ADAMTSL1: variants seen among roughly 807,000 people sequenced by gnomAD.
ADAMTSL1 encodes ADAMTS like 1.
A neutral mutation model predicts 201.8 loss-of-function variants in ADAMTSL1; 126 were observed. The ratio of observed to expected loss-of-function variants is 0.62; its 90% CI spans 0.54 to 0.72. ADAMTSL1 has a LOEUF of 0.72. Ranked by LOEUF, ADAMTSL1 falls within the 30% of genes least tolerant of loss-of-function variation. The pLI is 0.00. For synonymous variants in ADAMTSL1, 1,121 were observed against 903.4 expected (o/e 1.24, Z -4.32); for missense variants, 2,679 against 2,277.8 (o/e 1.18, Z -3.59).
At chr9:17,980,528 C>T (rs900722469) in intron 1 of ADAMTSL1, among the ~76,000 whole-genome samples, 3 of 152,008 alleles carry the variant, frequency 2.0e-5, no homozygotes, top group Non-Finnish European at 4.4e-5. Flanking sequence ...TCTGTGTCAT[C>T]TGTATGAACT....
intron 20 of ADAMTSL1, among the ~76,000 whole-genome samples, chr9:18,812,084 T>C (rs544983502): frequency 6.6e-6 from 1 of 152,298 alleles, no homozygotes; most frequent in African/African-American, 2.4e-5. Context: ...ATTTTATACA[T>C]GTAGAGAAGA....
At chr9:18,711,302 G>A (rs572181756) in intron 14 of ADAMTSL1, among the ~76,000 whole-genome samples, 20 of 152,358 alleles carry the variant, frequency 1.3e-4, no homozygotes, top group African/African-American at 4.6e-4. Flanking sequence ...CTACGCAGAA[G>A]ACGGGTGATT....
intron 2 of ADAMTSL1, among the ~76,000 whole-genome samples, chr9:18,368,402 C>T (rs1369426928): frequency 6.6e-6 from 1 of 152,206 alleles, no homozygotes; most frequent in Non-Finnish European, 1.5e-5. Flanking sequence ...TGCCTGCGGT[C>T]CATGACTGGG....
chr9:18,585,705 A>G (rs529045546), intron 4 of ADAMTSL1, among the ~76,000 whole-genome samples: 1 of 152,318 alleles, frequency 6.6e-6, no homozygotes, highest in African/African-American at 2.4e-5. Context: ...AAGATCCTCA[A>G]CAAAATACTG....
At chr9:18,245,159 C>A (rs1034658332) in intron 2 of ADAMTSL1, among the ~76,000 whole-genome samples, 1 of 151,848 alleles carries the variant, frequency 6.6e-6, no homozygotes, top group African/African-American at 2.4e-5. Flanking sequence ...AGATGAAATC[C>A]AAAACATTAC....
chr9:18,575,970 A>G (rs1564061831), intron 4 of ADAMTSL1, among the ~76,000 whole-genome samples: 2 of 152,082 alleles, frequency 1.3e-5, no homozygotes, highest in Non-Finnish European at 2.9e-5. Flanking sequence ...GCCTCATGGT[A>G]CCTTAGCAAC....
chr9:18,180,102 C>G (rs867605352), intron 2 of ADAMTSL1, among the ~76,000 whole-genome samples: 1 of 152,120 alleles, frequency 6.6e-6, no homozygotes, highest in Admixed American at 6.5e-5. Context: ...AGAGTCAAGA[C>G]CCATCACTGT....
At chr9:18,523,403 A>G (rs200909152) in intron 2 of ADAMTSL1, among the ~76,000 whole-genome samples, 2 of 152,088 alleles carry the variant, frequency 1.3e-5, no homozygotes, top group African/African-American at 4.8e-5. Flanking sequence ...CCTGTTCACT[A>G]TGATGGTAGT....
At chr9:18,499,164 A>T (rs1260793027) in intron 1 of ADAMTSL1, among the ~76,000 whole-genome samples, 1 of 152,240 alleles carries the variant, frequency 6.6e-6, no homozygotes, top group African/African-American at 2.4e-5. Context: ...AGTTCATCAT[A>T]TCTCCCAACA....
At chr9:18,522,280 C>T (rs1192160717) in intron 2 of ADAMTSL1, among the ~76,000 whole-genome samples, 3 of 151,844 alleles carry the variant, frequency 2.0e-5, no homozygotes, top group African/African-American at 7.3e-5. Context: ...CACTTGTACC[C>T]GAGTCTAAAA....
chr9:18,491,876 G>T lies in ADAMTSL1; in HGVS notation c.64-12953G>T, dbSNP rs181037618. On this transcript the variant is annotated intron_variant, in intron 1 of 28. Coordinates refer to ENST00000380548, the MANE Select transcript of ADAMTSL1 (RefSeq NM_001040272.6). ...TAATGATGACAAATTATAGTGGCCC[G>T]ATAAGGACAGGTTCTTTTAGACAGT... 5.3e-5 allele frequency among the ~76,000 whole-genome samples: 8 copies of T among 152,192 alleles called. No homozygotes were observed. The South Asian group carries it at 1.7e-3, about 32-fold the overall frequency.
At chr9:18,817,648 A>T (rs1823946048) in intron 21 of ADAMTSL1, among the ~76,000 whole-genome samples, 1 of 152,172 alleles carries the variant, frequency 6.6e-6, no homozygotes, top group Admixed American at 6.5e-5. Context: ...GCAGGTGGGA[A>T]GTGACATTAA....
intron 1 of ADAMTSL1, among the ~76,000 whole-genome samples, chr9:17,936,332 A>C (rs1247899375): frequency 5.3e-5 from 8 of 152,160 alleles, no homozygotes. Context: ...TTTTGTCTCT[A>C]CCTGCTAGGC....
chr9:18,558,855 G>T (rs1821282184), intron 3 of ADAMTSL1, among the ~76,000 whole-genome samples: 1 of 151,480 alleles, frequency 6.6e-6, no homozygotes. Flanking sequence ...TTTTGATAGG[G>T]TTGTTTTTTT....
chr9:18,502,474 T>G (rs1018115658), intron 1 of ADAMTSL1, among the ~76,000 whole-genome samples: 1 of 152,216 alleles, frequency 6.6e-6, no homozygotes, highest in African/African-American at 2.4e-5. Flanking sequence ...GGGATGAATT[T>G]AAATGGGCTA....
chr9:18,051,420 A>G (rs886183638), intron 1 of ADAMTSL1, among the ~76,000 whole-genome samples: 6 of 152,158 alleles, frequency 3.9e-5, no homozygotes, highest in African/African-American at 1.4e-4. Flanking sequence ...GAAGGTAGGA[A>G]TACTTGGAAT....
At chr9:18,096,729 A>C (rs1000348765) in intron 1 of ADAMTSL1, among the ~76,000 whole-genome samples, 1 of 152,182 alleles carries the variant, frequency 6.6e-6, no homozygotes, top group Non-Finnish European at 1.5e-5. Flanking sequence ...TCACCATCCA[A>C]ATCATGAGTA....
chr9:18,504,917 G>A lies in ADAMTSL1; in HGVS notation c.152G>A (p.Gly51Asp), dbSNP rs1469236261. ...AGTGAATGCTCACGCACCTGCGGGGGTGGGGCCTCCTACTCTCTGAGGCGC... is the reference window on the plus strand; with the variant it reads ...AGTGAATGCTCACGCACCTGCGGGGATGGGGCCTCCTACTCTCTGAGGCGC... ...PWSECSRTCG[G>D]GASYSLRRCL... Residue 51 changes from glycine (G) to aspartate (D), a missense_variant, in exon 2 of 29, where the codon GGT (glycine) becomes GAT (aspartate). Physicochemically the swap from Gly to Asp is moderately conservative, Grantham distance 94 (BLOSUM62 -1). Transcript: ENST00000380548. 2.5e-6 allele frequency: 4 copies of A among 1,612,490 alleles called. No individual in the cohort carries two copies. The highest frequency in any genetic ancestry group is 2.5e-6 in the Non-Finnish European group (3 of 1,179,676).
intron 1 of ADAMTSL1, among the ~76,000 whole-genome samples, chr9:18,140,715 A>T (rs1479966471): frequency 6.6e-6 from 1 of 152,176 alleles, no homozygotes; most frequent in African/African-American, 2.4e-5. Flanking sequence ...CTGAAATCCA[A>T]CTTTCCAGAA....
Sources: gnomAD v4.1 joint callset for allele counts (sites outside exome capture counted in the v4.1 genomes callset) on GRCh38, gnomAD v4.1.1 for gene constraint, MANE v1.5 for transcripts, NCBI Gene and HGNC (gene_info 2026-07-23, HGNC 2026-07-21) for gene names.